Variants in WWC1 observed in about 807,000 individuals in gnomAD.
The protein encoded by WWC1 is protein KIBRA.
Under a neutral mutation model 138.4 loss-of-function variants are expected in WWC1, and 55 were observed. The observed-to-expected ratio is 0.40, with a 90% confidence interval of 0.32 to 0.50. The LOEUF (loss-of-function observed/expected upper bound fraction) is 0.50, where lower values mean the gene tolerates loss of function less well. WWC1 is among the 20% of genes least tolerant of loss of function. WWC1 has a pLI of 0.72. For synonymous variants in WWC1, 524 were observed against 564.9 expected (o/e 0.93, Z 1.03); for missense variants, 1,226 against 1,420.4 (o/e 0.86, Z 2.20).
At chr5:168,388,385 T>C (rs993583170) in intron 3 of WWC1, among the ~76,000 whole-genome samples, 2 of 152,102 alleles carry the variant, frequency 1.3e-5, no homozygotes, top group African/African-American at 4.8e-5. Flanking sequence ...ATAAAAGACA[T>C]TCTCAGACAA....
intron 1 of WWC1, among the ~76,000 whole-genome samples, chr5:168,326,512 C>T (rs545192658): frequency 2.8e-4 from 42 of 151,698 alleles, no homozygotes; most frequent in Admixed American, 1.8e-3. Context: ...CCACCGTGCC[C>T]GGCCCCGACT....
chr5:168,370,257 G>C (rs1315431607), intron 1 of WWC1, among the ~76,000 whole-genome samples: 1 of 152,136 alleles, frequency 6.6e-6, no homozygotes, highest in Non-Finnish European at 1.5e-5. Flanking sequence ...CTGTAGCTTG[G>C]TTGCACCATT....
chr5:168,391,457 G>A (rs895039663), intron 3 of WWC1, among the ~76,000 whole-genome samples: 2 of 151,918 alleles, frequency 1.3e-5, no homozygotes, highest in African/African-American at 4.8e-5. Context: ...TCAGGAGATC[G>A]AGACCATCCT....
At chr5:168,448,077 C>T (rs1313958527) in intron 17 of WWC1, among the ~76,000 whole-genome samples, 1 of 152,174 alleles carries the variant, frequency 6.6e-6, no homozygotes, top group Non-Finnish European at 1.5e-5. Context: ...CCCTTTTTGG[C>T]CCCTGTCTCC....
chr5:168,294,858 T>G (rs1396959549), intron 1 of WWC1, among the ~76,000 whole-genome samples: 1 of 152,142 alleles, frequency 6.6e-6, no homozygotes, highest in Non-Finnish European at 1.5e-5. Context: ...ACTCCTGAGC[T>G]CAGGCAATCC....
At chr5:168,357,860 C>T (rs1019400923) in intron 1 of WWC1, among the ~76,000 whole-genome samples, 5 of 152,152 alleles carry the variant, frequency 3.3e-5, no homozygotes, top group South Asian at 4.2e-4. Context: ...TTTTCAGAGG[C>T]GAAAACTGTT....
At chr5:168,367,857 A>C (rs566892736) in intron 1 of WWC1, among the ~76,000 whole-genome samples, 2 of 152,174 alleles carry the variant, frequency 1.3e-5, no homozygotes, top group South Asian at 2.1e-4. Context: ...ACAACAAATA[A>C]ATTAATAAAA....
Position 168,423,674 on chromosome 5 carries a change from G to A in WWC1, c.1416G>A (p.Gln472=), listed in dbSNP as rs1781298923. The change falls in exon 11 of 23, where the codon CAG becomes CAA. Residue 472 remains glutamine, a synonymous_variant. Transcript: ENST00000265293. ...ACCTCTACTATGACCCCTTTGAGCA[G>A]CTGGACTCAGAGCTGCAGAGCAAGG... ...FTDLYYDPFE[Q]LDSELQSKVE... The A allele has an allele frequency of 6.2e-7, 1 of 1,614,070 alleles. No individual in the cohort carries two copies. Among genetic ancestry groups the A allele is most frequent in the African/African-American group, 1.3e-5 (1 of 74,916 alleles).
chr5:168,362,533 C>A (rs949751277), intron 1 of WWC1, among the ~76,000 whole-genome samples: 1 of 152,190 alleles, frequency 6.6e-6, no homozygotes, highest in Non-Finnish European at 1.5e-5. Flanking sequence ...CAAAGGTGTG[C>A]TAAGTCCGTT....
intron 8 of WWC1, among the ~76,000 whole-genome samples, chr5:168,413,306 A>G (rs1275274968): frequency 6.6e-6 from 1 of 152,178 alleles, no homozygotes; most frequent in Non-Finnish European, 1.5e-5. Context: ...GTCCTAAAGG[A>G]TGATGTCATG....
At chr5:168,386,813 C>T (rs1778085365) in intron 3 of WWC1, among the ~76,000 whole-genome samples, 1 of 151,964 alleles carries the variant, frequency 6.6e-6, no homozygotes, top group East Asian at 1.9e-4. Context: ...CCACGTCCAG[C>T]TAAGTTTTGT....
chr5:168,359,035 TG>T, intron 1 of WWC1, among the ~76,000 whole-genome samples: 1 of 17,854 alleles, frequency 5.6e-5, no homozygotes, highest in South Asian at 2.9e-3. Context: ...GGTGGTGGGG[TG>T]TGTGTGTGTG....
At chr5:168,379,182 G>C (rs1777438700) in intron 2 of WWC1, among the ~76,000 whole-genome samples, 1 of 152,154 alleles carries the variant, frequency 6.6e-6, no homozygotes, top group Non-Finnish European at 1.5e-5. Flanking sequence ...AAATTTTATA[G>C]TGCACTGAAT....
At chr5:168,347,308 G>A (rs537272238) in intron 1 of WWC1, among the ~76,000 whole-genome samples, 141 of 152,298 alleles carry the variant, frequency 9.3e-4, no homozygotes, top group African/African-American at 3.2e-3. Context: ...TCAAGAAGGA[G>A]GCAGTTCCAG....
intron 1 of WWC1, among the ~76,000 whole-genome samples, chr5:168,366,286 C>T (rs967920395): frequency 2.0e-5 from 3 of 152,286 alleles, no homozygotes; most frequent in Admixed American, 6.5e-5. Context: ...AATTCATCTC[C>T]CTCTTGGCAT....
intron 21 of WWC1, among the ~76,000 whole-genome samples, chr5:168,465,462 A>G (rs752572211): frequency 8.6e-6 from 1 of 116,190 alleles, no homozygotes. Context: ...CCCTGCTATA[A>G]TGAGTTTAAG....
chr5:168,426,412 A>G (rs1561749054), intron 11 of WWC1, among the ~76,000 whole-genome samples: 1 of 151,990 alleles, frequency 6.6e-6, no homozygotes, highest in Non-Finnish European at 1.5e-5. Context: ...CCTCCCTAAC[A>G]GTGTCTTTGG....
chr5:168,452,931 A>G (rs1755963587), intron 17 of WWC1, among the ~76,000 whole-genome samples: 1 of 152,178 alleles, frequency 6.6e-6, no homozygotes, highest in Non-Finnish European at 1.5e-5. Context: ...TAATGATAAA[A>G]AGGAGTGAAC....
intron 3 of WWC1, among the ~76,000 whole-genome samples, chr5:168,389,610 T>G (rs1249460077): frequency 6.3e-4 from 95 of 149,628 alleles, no homozygotes; most frequent in African/African-American, 2.0e-3. Context: ...TTTTTTTTTT[T>G]TTTTTTTTGT....
Sources: gnomAD v4.1 joint callset for allele counts (sites outside exome capture counted in the v4.1 genomes callset) on GRCh38, gnomAD v4.1.1 for gene constraint, MANE v1.5 for transcripts, NCBI Gene and HGNC (gene_info 2026-07-23, HGNC 2026-07-21) for gene names.